Variants in MYH11 observed in about 807,000 individuals in gnomAD.
MYH11 encodes the protein myosin-11.
A neutral mutation model predicts 246.6 loss-of-function variants in MYH11; 80 were observed. The ratio of observed to expected loss-of-function variants is 0.32; its 90% CI spans 0.27 to 0.39. MYH11 has a LOEUF of 0.39. Ranked by LOEUF, MYH11 falls within the 10% of genes least tolerant of loss-of-function variation. MYH11 has a pLI of 1.00. For missense variants in MYH11, 2,158 were observed against 2,546.8 expected, an observed-to-expected ratio of 0.85 and a Z score of 3.29; for synonymous variants, 1,071 against 1,015.5, an observed-to-expected ratio of 1.05 and a Z score of -1.04.
Position 15,843,144 on chromosome 16 carries a change from C to T in MYH11, c.-17-4875G>A, listed in dbSNP as rs1244026107. Among the ~76,000 whole-genome samples the T allele has an allele frequency of 1.1e-4, 16 of 152,074 alleles. No individual in the cohort carries two copies. In the South Asian group the frequency reaches 2.5e-3, roughly 24 times the overall value. On this transcript the variant is annotated intron_variant, in intron 1 of 40. Coordinates refer to ENST00000300036, the MANE Select transcript of MYH11 (RefSeq NM_002474.3). Reference sequence around the variant, plus strand: ...CAGCACTTTGAGAGGCCCAGGTGGGCGGACCACCTGAGGTCAAGAGTTTGA... The same window carrying T: ...CAGCACTTTGAGAGGCCCAGGTGGGTGGACCACCTGAGGTCAAGAGTTTGA...
chr16:15,760,420 G>T, intron 11 of MYH11, 120 bp downstream of exon 11: 1 of 834,436 alleles, frequency 1.2e-6, no homozygotes, highest in South Asian at 1.3e-5. Flanking sequence ...ATGGACAGAT[G>T]CAGAGGCAGA....
chr16:15,836,099 A>C (rs1174877129), intron 2 of MYH11, among the ~76,000 whole-genome samples: 1 of 152,086 alleles, frequency 6.6e-6, no homozygotes, highest in Non-Finnish European at 1.5e-5. Context: ...AAAGGAAACA[A>C]AGCTTCAGAG....
In MYH11 at chr16:15,721,499, C is replaced by G. The variant is rs1342399412; in HGVS notation, c.4501G>C (p.Glu1501Gln). Residue 1501 changes from glutamate to glutamine, a missense_variant, in exon 32 of 41, where the codon GAA becomes CAA. Glu to Gln is a conservative substitution (Grantham distance 29). Coordinates refer to ENST00000300036, the MANE Select transcript of MYH11 (RefSeq NM_002474.3). ...AGCATTTTGTTGGTCCGCTCGAGTT[C>G]CTCTTTGGCTTCCAAGGCCTCTTCA... ...ALEEALEAKE[E>Q]LERTNKMLKA... is the part of the protein sequence containing the mutation. The G allele has an allele frequency of 6.2e-7, 1 of 1,614,216 alleles. No homozygotes were observed. Among genetic ancestry groups the G allele is most frequent in the South Asian group, 1.1e-5 (1 of 91,092 alleles).
chr16:15,755,641 T>G (rs1366702629), intron 14 of MYH11, among the ~76,000 whole-genome samples: 1 of 151,900 alleles, frequency 6.6e-6, no homozygotes, highest in East Asian at 1.9e-4. Context: ...ATTTAAAAAT[T>G]TAGCTGGGCG....
chr16:15,748,709 G>C (rs780521522), intron 16 of MYH11, among the ~76,000 whole-genome samples: 1 of 151,996 alleles, frequency 6.6e-6, no homozygotes, highest in Non-Finnish European at 1.5e-5. Flanking sequence ...TCAAACTCCT[G>C]GGCTCAAGTG....
intron 3 of MYH11, among the ~76,000 whole-genome samples, chr16:15,815,430 C>T (rs182492782): frequency 5.3e-5 from 8 of 151,742 alleles, no homozygotes; most frequent in East Asian, 1.9e-4. Flanking sequence ...AAATTTAAAA[C>T]GCAATGGAAG....
chr16:15,839,650 C>T (rs148281975), intron 1 of MYH11, among the ~76,000 whole-genome samples: 1,959 of 150,364 alleles, frequency 0.013, 47 homozygotes, highest in African/African-American at 0.042. Flanking sequence ...GCTGAGATCG[C>T]GCCACTGCAC....
chr16:15,740,100 A>G lies in MYH11; in HGVS notation c.2948T>C (p.Leu983Pro). 6.2e-7 allele frequency: 1 copy of G among 1,614,192 alleles called. No individual in the cohort carries two copies. Residue 983 changes from leucine to proline, a missense_variant, in exon 23 of 41, where the codon CTG (leucine) becomes CCG (proline). Coordinates refer to ENST00000300036, the MANE Select transcript of MYH11 (RefSeq NM_002474.3). ...KVTAEAKIKK[L>P]EDEILVMDDQ... ...ATCCATGACCAGGATCTCATCCTCC[A>G]GTTTCTTGATCTTGGCCTCAGCCGT...
intron 10 of MYH11, 55 bp downstream of exon 10, chr16:15,763,741 T>TGGGGGGGGGCCCC: frequency 1.5e-6 from 1 of 646,860 alleles, no homozygotes; most frequent in Non-Finnish European, 2.9e-6. Flanking sequence ...AAATGTCACC[T>TGGGGGGGGGCCCC]CCCCCACCCC....
Position 15,716,993 on chromosome 16 carries a change from T to A in MYH11, c.5504+147A>T. On this transcript the variant is annotated intron_variant, in intron 38 of 40. Transcript: ENST00000300036. ...GCACTTTGCTGTGTTTACGTTCAGT[T>A]CTCACAACATACCTGCACTGTAGGC... 3 of 932,772 alleles carry A rather than the reference T, an allele frequency of 3.2e-6. 1 individual carries two copies. The South Asian group carries it at 3.9e-5, about 12-fold the overall frequency. The allele number at this position is 932,772 out of a possible 1,614,324, so 57.8% of individuals were successfully genotyped here. A position where few individuals can be genotyped will look rare whatever the true frequency, so the allele number is the denominator to read the frequency against.
intron 3 of MYH11, among the ~76,000 whole-genome samples, chr16:15,809,094 C>T (rs1357419050): frequency 6.6e-6 from 1 of 152,114 alleles, no homozygotes; most frequent in African/African-American, 2.4e-5. Context: ...TCCAAGGAAG[C>T]CTCCCCTGTC....
chr16:15,744,188 A>G (rs141847862), intron 20 of MYH11, among the ~76,000 whole-genome samples: 150 of 152,042 alleles, frequency 9.9e-4, no homozygotes, highest in African/African-American at 3.6e-3. Context: ...CATGTATAGA[A>G]TATTTGTTTT....
At chr16:15,732,084 C>T (rs928641253) in intron 27 of MYH11, among the ~76,000 whole-genome samples, 4 of 152,138 alleles carry the variant, frequency 2.6e-5, no homozygotes, top group Non-Finnish European at 4.4e-5. Flanking sequence ...GCCTCAGCCT[C>T]CCGAGTAGCT....
At chr16:15,762,599 G>A (rs2041893818) in intron 10 of MYH11, among the ~76,000 whole-genome samples, 2 of 152,066 alleles carry the variant, frequency 1.3e-5, no homozygotes, top group Non-Finnish European at 2.9e-5. Context: ...AGGGCAAGAG[G>A]ACAGCTTCGA....
At position 15,833,385 on chromosome 16, in the gene MYH11, G is replaced by GGA. The variant is rs1567208143; in HGVS notation, c.345+4522_345+4523insTC. Among the ~76,000 whole-genome samples the GGA allele has an allele frequency of 9.3e-3, 1,023 of 110,594 alleles. 18 individuals are homozygous for GGA. Among genetic ancestry groups the GGA allele is most frequent in the African/African-American group, 0.029 (935 of 32,486 alleles). 72.6% of individuals were successfully genotyped at this position (110,594 alleles called of 152,430 possible). ...AGAAAGAGAGAGGGAGGGAGGGAGG[G>GGA]AGGAAGGAAGGAAGGAAGGAAGGAA... On this transcript the variant is annotated intron_variant, in intron 2 of 40. Transcript: ENST00000300036.
chr16:15,765,925 C>T (rs564256987), intron 9 of MYH11, among the ~76,000 whole-genome samples: 3 of 152,268 alleles, frequency 2.0e-5, no homozygotes, highest in South Asian at 2.1e-4. Flanking sequence ...ACAGCCCAGG[C>T]GAGCCGGCCA....
At chr16:15,833,646 A>T (rs1878292463) in intron 2 of MYH11, among the ~76,000 whole-genome samples, 1 of 152,162 alleles carries the variant, frequency 6.6e-6, no homozygotes, top group Non-Finnish European at 1.5e-5. Context: ...CCAAGAGCAC[A>T]AGAGGTCTGC....
chr16:15,763,109 C>T (rs986471086), intron 10 of MYH11, among the ~76,000 whole-genome samples: 1 of 152,098 alleles, frequency 6.6e-6, no homozygotes, highest in Admixed American at 6.6e-5. Flanking sequence ...GGTATAATCA[C>T]GGTCCAAATG....
At chr16:15,735,907 T>C (rs1455459131) in intron 25 of MYH11, among the ~76,000 whole-genome samples, 1 of 151,624 alleles carries the variant, frequency 6.6e-6, no homozygotes, top group African/African-American at 2.4e-5. Flanking sequence ...GTGTAGATGC[T>C]TTCTGAATGT....
Sources: gnomAD v4.1 joint callset for allele counts (sites outside exome capture counted in the v4.1 genomes callset) on GRCh38, gnomAD v4.1.1 for gene constraint, MANE v1.5 for transcripts, NCBI Gene and HGNC (gene_info 2026-07-23, HGNC 2026-07-21) for gene names.